The following FAM53A variants were observed in gnomAD, a reference collection of about 807,000 sequenced individuals.
The protein encoded by FAM53A is family with sequence similarity 53 member A.
A neutral mutation model predicts 26.6 loss-of-function variants in FAM53A; 28 were observed. That is an observed-to-expected ratio of 1.05 (90% CI 0.78 to 1.45). The LOEUF (loss-of-function observed/expected upper bound fraction) is 1.45. Among genes scored for constraint, FAM53A ranks in the 40% most tolerant of loss-of-function variants. FAM53A has a pLI of 0.00. For missense variants in FAM53A, 650 were observed against 575.8 expected, an observed-to-expected ratio of 1.13 and a Z score of -1.32; for synonymous variants, 290 against 253.1, an observed-to-expected ratio of 1.15 and a Z score of -1.38.
chr4:1,606,395 C>G, the FAM53A span, among the ~76,000 whole-genome samples: 1 of 152,052 alleles, frequency 6.6e-6, no homozygotes, highest in African/African-American at 2.4e-5. Context: ...CCACACTCCC[C>G]ACCCCTCCAC....
At chr4:1,577,871 G>A in the FAM53A span, among the ~76,000 whole-genome samples, 1 of 151,800 alleles carries the variant, frequency 6.6e-6, no homozygotes, top group African/African-American at 2.4e-5. Flanking sequence ...ACAAACACAG[G>A]CTCTGCCGGG....
At chr4:1,648,790 T>A in intron 4 of FAM53A, among the ~76,000 whole-genome samples, 1 of 152,172 alleles carries the variant, frequency 6.6e-6, no homozygotes. Context: ...CCCACATCAC[T>A]GTTCTGGCTC....
At chr4:1,577,427 G>T in the FAM53A span, among the ~76,000 whole-genome samples, 8 of 151,928 alleles carry the variant, frequency 5.3e-5, no homozygotes, top group Non-Finnish European at 1.2e-4. Context: ...CACAGGGTGC[G>T]GGGTGGTAGG....
chr4:1,607,585 CA>C, the FAM53A span, among the ~76,000 whole-genome samples: 1 of 152,068 alleles, frequency 6.6e-6, no homozygotes, highest in African/African-American at 2.4e-5. Context: ...GCCGCCCCCC[CA>C]CCACTGATGT....
chr4:1,655,798 C>G, intron 3 of FAM53A, 75 bp from the exon 4 acceptor site: 2 of 1,431,286 alleles, frequency 1.4e-6, no homozygotes, highest in South Asian at 2.9e-5. Context: ...TCCCGGCAAA[C>G]AGCCTGGCAG....
At chr4:1,583,986 T>C in the FAM53A span, among the ~76,000 whole-genome samples, 3,206 of 152,354 alleles carry the variant, frequency 0.021, 116 homozygotes, top group African/African-American at 0.072. Context: ...AGGTTCTCTC[T>C]GAGAATCTCC....
chr4:1,591,683 T>C, the FAM53A span, among the ~76,000 whole-genome samples: 3 of 152,236 alleles, frequency 2.0e-5, no homozygotes, highest in Non-Finnish European at 2.9e-5. Context: ...TTTCAGCTCC[T>C]TCTGGGTGTG....
chr4:1,681,999 G>A (rs1715473285), intron 1 of FAM53A, among the ~76,000 whole-genome samples: 1 of 152,122 alleles, frequency 6.6e-6, no homozygotes, highest in South Asian at 2.1e-4. Context: ...CACTAGCCAG[G>A]CCAAGGAACT....
downstream of FAM53A, among the ~76,000 whole-genome samples, chr4:1,638,251 T>C (rs1335702264): frequency 6.6e-6 from 1 of 151,844 alleles, no homozygotes; most frequent in East Asian, 1.9e-4. Flanking sequence ...AATACAGCCC[T>C]GGGGACAAGC....
At chr4:1,658,532 A>G (rs903971247) in intron 2 of FAM53A, among the ~76,000 whole-genome samples, 1 of 152,206 alleles carries the variant, frequency 6.6e-6, no homozygotes, top group Non-Finnish European at 1.5e-5. Flanking sequence ...CAGGCTCTGG[A>G]GTGTGGTGCT....
chr4:1,657,174 C>T (rs545615775), intron 3 of FAM53A, among the ~76,000 whole-genome samples: 1 of 152,308 alleles, frequency 6.6e-6, no homozygotes, highest in South Asian at 2.1e-4. Context: ...GAGGGAGAGA[C>T]CTGGCTGGGC....
the FAM53A span, among the ~76,000 whole-genome samples, chr4:1,583,005 C>G: frequency 6.6e-6 from 1 of 152,214 alleles, no homozygotes; most frequent in Non-Finnish European, 1.5e-5. Flanking sequence ...GAATTAACAT[C>G]CTGTCAAGAA....
upstream of FAM53A, among the ~76,000 whole-genome samples, chr4:1,685,302 C>T (rs560469012): frequency 1.3e-5 from 2 of 152,140 alleles, no homozygotes; most frequent in Admixed American, 1.3e-4. Context: ...AGGGACCCTG[C>T]GGTCCAGTGC....
intron 1 of FAM53A, among the ~76,000 whole-genome samples, chr4:1,621,588 C>T (rs761317880): frequency 3.3e-5 from 5 of 152,114 alleles, no homozygotes; most frequent in Non-Finnish European, 7.4e-5. Context: ...CAGCGGGGAG[C>T]GAAGATGGTG....
At chr4:1,660,426 G>A (rs1577133200) in intron 2 of FAM53A, among the ~76,000 whole-genome samples, 1 of 151,732 alleles carries the variant, frequency 6.6e-6, no homozygotes, top group African/African-American at 2.4e-5. Context: ...GGGAAACCTG[G>A]TCTCTACAAA....
chr4:1,611,078 G>A, the FAM53A span, among the ~76,000 whole-genome samples: 1 of 152,218 alleles, frequency 6.6e-6, no homozygotes, highest in African/African-American at 2.4e-5. Flanking sequence ...GCCCTAGCTG[G>A]GGAATGGGGG....
chr4:1,674,186 C>T (rs927845698), intron 1 of FAM53A, among the ~76,000 whole-genome samples: 1 of 152,220 alleles, frequency 6.6e-6, no homozygotes, highest in Non-Finnish European at 1.5e-5. Context: ...TCTCCAGTTT[C>T]CAGGGGCTCT....
chr4:1,652,810 C>G (rs911977652), intron 4 of FAM53A, among the ~76,000 whole-genome samples: 8 of 148,808 alleles, frequency 5.4e-5, no homozygotes, highest in Non-Finnish European at 1.2e-4. Context: ...ACGTCACACA[C>G]ACACCACATA....
At chr4:1,680,976 T>C (rs925179999) in intron 1 of FAM53A, among the ~76,000 whole-genome samples, 1 of 152,170 alleles carries the variant, frequency 6.6e-6, no homozygotes, top group South Asian at 2.1e-4. Flanking sequence ...ACTATGGACT[T>C]TGGATAATAA....
Sources: gnomAD v4.1 joint callset for allele counts (sites outside exome capture counted in the v4.1 genomes callset) on GRCh38, gnomAD v4.1.1 for gene constraint, MANE v1.5 for transcripts, NCBI Gene and HGNC (gene_info 2026-07-23, HGNC 2026-07-21) for gene names.